The following OR52N4 variants were observed in gnomAD, a reference collection of about 807,000 sequenced individuals.
The protein encoded by OR52N4 is olfactory receptor 52N4.
Under a neutral mutation model 15.0 loss-of-function variants are expected in OR52N4, and 15 were observed. That is an observed-to-expected ratio of 1.00 (90% CI 0.67 to 1.54). OR52N4 has a LOEUF of 1.54. Ranked by LOEUF, OR52N4 falls within the 40% of genes most tolerant of loss-of-function variation. OR52N4 has a pLI of 0.00. For synonymous variants in OR52N4, 143 were observed against 143.7 expected (o/e 1.00, Z 0.03); for missense variants, 421 against 394.0 (o/e 1.07, Z -0.58).
At chr11:5,745,469 T>A in the OR52N4 span, among the ~76,000 whole-genome samples, 1 of 152,066 alleles carries the variant, frequency 6.6e-6, no homozygotes, top group East Asian at 1.9e-4. Context: ...AAATATACAA[T>A]ACCTAGGAAT....
the OR52N4 span, chr11:5,737,059 T>C: frequency 6.2e-7 from 1 of 1,614,006 alleles, no homozygotes; most frequent in African/African-American, 1.3e-5. Flanking sequence ...GCTCCAAGAA[T>C]GAAATTGAAC....
chr11:5,743,143 G>T, the OR52N4 span, among the ~76,000 whole-genome samples: 1 of 113,838 alleles, frequency 8.8e-6, no homozygotes, highest in African/African-American at 3.4e-5. Flanking sequence ...ATAAGACAAA[G>T]AAAGACATTG....
At chr11:5,751,070 T>C (rs1185214774), upstream of OR52N4, among the ~76,000 whole-genome samples, 1 of 152,056 alleles carries the variant, frequency 6.6e-6, no homozygotes, top group Non-Finnish European at 1.5e-5. Context: ...CAATTACCTT[T>C]AATTACACAA....
chr11:5,729,054 A>G, the OR52N4 span, among the ~76,000 whole-genome samples: 1 of 148,008 alleles, frequency 6.8e-6, no homozygotes, highest in Admixed American at 6.7e-5. Context: ...CCACCCCACA[A>G]CAGACCCCGG....
the OR52N4 span, among the ~76,000 whole-genome samples, chr11:5,745,895 T>C: frequency 6.6e-6 from 1 of 152,222 alleles, no homozygotes; most frequent in East Asian, 1.9e-4. Context: ...GTAACCAAAA[T>C]GCATGGTAAC....
chr11:5,743,466 A>G, the OR52N4 span, among the ~76,000 whole-genome samples: 13 of 152,338 alleles, frequency 8.5e-5, no homozygotes, highest in South Asian at 2.1e-4. Context: ...CACATGAAAC[A>G]GTCTCAAAAA....
the OR52N4 span, chr11:5,737,144 G>C: frequency 1.2e-6 from 2 of 1,613,998 alleles, no homozygotes; most frequent in Non-Finnish European, 1.7e-6. Flanking sequence ...TTGCCAGTTG[G>C]TTCTGGCATG....
At chr11:5,734,669 AT>A in the OR52N4 span, among the ~76,000 whole-genome samples, 41 of 152,276 alleles carry the variant, frequency 2.7e-4, no homozygotes, top group African/African-American at 8.4e-4. Context: ...CAAAGATAAA[AT>A]GTTATGTGAT....
chr11:5,750,987 G>A (rs1042530953), upstream of OR52N4, among the ~76,000 whole-genome samples: 3 of 152,040 alleles, frequency 2.0e-5, no homozygotes, highest in African/African-American at 7.2e-5. Context: ...AAGTGAGAAT[G>A]TGAATTTAAG....
the OR52N4 span, among the ~76,000 whole-genome samples, chr11:5,727,644 G>C: frequency 6.6e-6 from 1 of 152,146 alleles, no homozygotes; most frequent in East Asian, 1.9e-4. Context: ...TTTCAGAGAA[G>C]TGTAAACATG....
upstream of OR52N4, among the ~76,000 whole-genome samples, chr11:5,751,663 T>C (rs528952397): frequency 4.6e-5 from 7 of 152,298 alleles, no homozygotes; most frequent in East Asian, 1.3e-3. Flanking sequence ...TGTTTATTTA[T>C]TTTAAAATTG....
At chr11:5,754,181 G>A (rs1480237342), upstream of OR52N4, 1 of 151,868 alleles carries the variant, frequency 6.6e-6, no homozygotes, top group Non-Finnish European at 1.5e-5. Flanking sequence ...GCTTCATTGA[G>A]TAATAATTTA....
At chr11:5,748,526 A>T in the OR52N4 span, among the ~76,000 whole-genome samples, 1 of 151,860 alleles carries the variant, frequency 6.6e-6, no homozygotes, top group South Asian at 2.1e-4. Context: ...TAGAACACCC[A>T]ACTATTCATA....
the OR52N4 span, among the ~76,000 whole-genome samples, chr11:5,731,861 A>G: frequency 3.3e-5 from 5 of 152,170 alleles, no homozygotes; most frequent in Non-Finnish European, 7.4e-5. Flanking sequence ...TCCCGATTTT[A>G]AAACAAGAAA....
chr11:5,736,593 T>TC, the OR52N4 span: 13 of 1,614,046 alleles, frequency 8.1e-6, 1 homozygote, highest in South Asian at 1.4e-4. Context: ...CTGCTGGGAT[T>TC]CCCGGGCATT....
rs1854288711 is a variant in OR52N4 at position 5,755,379 on chromosome 11, A to G, written c.639A>G (p.Ile213Met). 1 of 1,613,890 alleles carries G rather than the reference A, an allele frequency of 6.2e-7. No homozygotes were observed. Among genetic ancestry groups the G allele is most frequent in the Non-Finnish European group, 8.5e-7 (1 of 1,179,992 alleles). The change falls in exon 2 of 2, where the codon ATA becomes ATG. Residue 213 changes from isoleucine (I) to methionine (M), a missense_variant. By Grantham distance (10) the Ile-to-Met change is conservative. Coordinates refer to ENST00000641350, the MANE Select transcript of OR52N4 (RefSeq NM_001005175.5). ...CCCTCCTGATTTGGGGCTTTGACAT[A>G]CTGTGTATCACCAACTCCTATACCA... ...MVALLIWGFD[I>M]LCITNSYTMI...
chr11:5,728,573 G>A, the OR52N4 span, among the ~76,000 whole-genome samples: 8 of 152,132 alleles, frequency 5.3e-5, no homozygotes, highest in East Asian at 1.9e-4. Context: ...CTTGTCATCC[G>A]CTTATATGCC....
At chr11:5,743,263 G>A in the OR52N4 span, among the ~76,000 whole-genome samples, 1 of 152,048 alleles carries the variant, frequency 6.6e-6, no homozygotes, top group African/African-American at 2.4e-5. Flanking sequence ...TAAGTAAAGT[G>A]GTAGAAACAA....
At chr11:5,746,480 G>T in the OR52N4 span, among the ~76,000 whole-genome samples, 1 of 152,046 alleles carries the variant, frequency 6.6e-6, no homozygotes, top group African/African-American at 2.4e-5. Flanking sequence ...TCCAAAGTGG[G>T]CAAAGGACAC....
Sources: gnomAD v4.1 joint callset for allele counts (sites outside exome capture counted in the v4.1 genomes callset) on GRCh38, gnomAD v4.1.1 for gene constraint, MANE v1.5 for transcripts, NCBI Gene and HGNC (gene_info 2026-07-23, HGNC 2026-07-21) for gene names.